The following DYNC1I1 variants were observed in gnomAD, a reference collection of about 807,000 sequenced individuals.
The protein encoded by DYNC1I1 is dynein cytoplasmic 1 intermediate chain 1, also known as cytoplasmic dynein 1 intermediate chain 1.
A neutral mutation model predicts 86.6 loss-of-function variants in DYNC1I1; 43 were observed. The ratio of observed to expected loss-of-function variants is 0.50; its 90% CI spans 0.39 to 0.64. The LOEUF (loss-of-function observed/expected upper bound fraction) is 0.64, where lower values mean the gene tolerates loss of function less well. Among genes scored for constraint, DYNC1I1 ranks in the 30% least tolerant of loss-of-function variants. The pLI is 0.00. For missense variants in DYNC1I1, 604 were observed against 788.8 expected (o/e 0.77, Z 2.81); for synonymous variants, 262 against 283.7 (o/e 0.92, Z 0.77).
At chr7:96,032,643 T>C in intron 11 of DYNC1I1, 24 bp from the exon 12 acceptor site, 3 of 1,567,588 alleles carry the variant, frequency 1.9e-6, no homozygotes, top group Non-Finnish European at 2.6e-6. Flanking sequence ...CTGTCTCTGA[T>C]CCTCTTTGTT....
intron 6 of DYNC1I1, among the ~76,000 whole-genome samples, chr7:95,874,333 T>C (rs995785813): frequency 2.6e-5 from 4 of 152,200 alleles, no homozygotes; most frequent in African/African-American, 7.2e-5. Context: ...GTAGTTTCTG[T>C]ACCAGACTGA....
chr7:95,782,358 A>G (rs1249702671), intron 1 of DYNC1I1, among the ~76,000 whole-genome samples: 2 of 152,192 alleles, frequency 1.3e-5, no homozygotes, highest in Non-Finnish European at 2.9e-5. Flanking sequence ...ACCCCTAGGG[A>G]CACTGACTGA....
intron 16 of DYNC1I1, among the ~76,000 whole-genome samples, chr7:96,107,690 C>T (rs1416766509): frequency 6.6e-6 from 1 of 151,922 alleles, no homozygotes; most frequent in Non-Finnish European, 1.5e-5. Flanking sequence ...TGCCACCACA[C>T]TCGGCTAATT....
chr7:96,061,716 A>T (rs866087563), intron 14 of DYNC1I1, among the ~76,000 whole-genome samples: 3 of 145,936 alleles, frequency 2.1e-5, no homozygotes, highest in South Asian at 2.2e-4. Context: ...TCTCTCTCAC[A>T]CACACACACA....
At chr7:95,842,505 G>A (rs1789314243) in intron 5 of DYNC1I1, among the ~76,000 whole-genome samples, 1 of 152,298 alleles carries the variant, frequency 6.6e-6, no homozygotes, top group South Asian at 2.1e-4. Context: ...GCTTGCCACA[G>A]TATCTTATCA....
chr7:96,072,863 T>C (rs1746197430), intron 14 of DYNC1I1, among the ~76,000 whole-genome samples: 1 of 152,248 alleles, frequency 6.6e-6, no homozygotes, highest in African/African-American at 2.4e-5. Flanking sequence ...TGAGTTTACC[T>C]TAAAATATTT....
chr7:95,857,264 G>A (rs1224750255), intron 5 of DYNC1I1, among the ~76,000 whole-genome samples: 2 of 152,134 alleles, frequency 1.3e-5, no homozygotes, highest in Non-Finnish European at 2.9e-5. Context: ...TTAGGTAGTA[G>A]GCCTCAAAAG....
In DYNC1I1 at chr7:95,776,531, A is replaced by C. The variant is rs190439756; in HGVS notation, c.-10+3758A>C. Among the ~76,000 whole-genome samples, 4 of 152,298 alleles carry C rather than the reference A, an allele frequency of 2.6e-5. No individual in the cohort carries two copies. The East Asian group carries it at 5.8e-4, about 22-fold the overall frequency. ...GTAGTTTTCTAGGGAAAAAATGGGG[A>C]TATTGCTAACTAAAAATACAGGAAG... On this transcript the variant is annotated intron_variant, in intron 1 of 16. Transcript: ENST00000447467.
intron 7 of DYNC1I1, among the ~76,000 whole-genome samples, chr7:95,979,697 T>A (rs1396095205): frequency 6.6e-6 from 1 of 152,212 alleles, no homozygotes; most frequent in Non-Finnish European, 1.5e-5. Context: ...GTGCTAGGTC[T>A]CAGACATTGA....
chr7:95,879,626 A>G (rs1321587990), intron 6 of DYNC1I1, among the ~76,000 whole-genome samples: 1 of 152,216 alleles, frequency 6.6e-6, no homozygotes, highest in African/African-American at 2.4e-5. Flanking sequence ...TGAGGGCAGG[A>G]GAGCTCTGTG....
At chr7:95,903,334 AT>A (rs1368467678) in intron 6 of DYNC1I1, among the ~76,000 whole-genome samples, 4 of 152,150 alleles carry the variant, frequency 2.6e-5, no homozygotes, top group African/African-American at 9.7e-5. Context: ...CTTCCAACTT[AT>A]TTAGGGAAGT....
intron 6 of DYNC1I1, among the ~76,000 whole-genome samples, chr7:95,925,861 GTTTTTC>G (rs1791731816): frequency 6.6e-6 from 1 of 152,010 alleles, no homozygotes; most frequent in Non-Finnish European, 1.5e-5. Context: ...GTCTTCTTTA[GTTTTTC>G]TTTTTATCAT....
At chr7:95,784,405 C>T (rs769898390) in intron 1 of DYNC1I1, among the ~76,000 whole-genome samples, 6 of 152,094 alleles carry the variant, frequency 3.9e-5, no homozygotes, top group Non-Finnish European at 5.9e-5. Flanking sequence ...AAAGGACTGA[C>T]GAGCTAGAGT....
At chr7:95,895,246 T>G (rs893714272) in intron 6 of DYNC1I1, among the ~76,000 whole-genome samples, 2 of 152,216 alleles carry the variant, frequency 1.3e-5, no homozygotes, top group African/African-American at 2.4e-5. Context: ...TGGAGTATAG[T>G]TCATTGTTGT....
At chr7:95,866,738 T>C (rs1790026608) in intron 5 of DYNC1I1, among the ~76,000 whole-genome samples, 1 of 152,228 alleles carries the variant, frequency 6.6e-6, no homozygotes, top group African/African-American at 2.4e-5. Flanking sequence ...AATCTACCAG[T>C]ACCCTCTAAG....
At chr7:95,891,361 G>C (rs940930919) in intron 6 of DYNC1I1, among the ~76,000 whole-genome samples, 2 of 152,198 alleles carry the variant, frequency 1.3e-5, no homozygotes, top group African/African-American at 4.8e-5. Flanking sequence ...GTATTCAACG[G>C]TTTTGCGTTT....
At chr7:96,069,882 A>C (rs1790109700) in intron 14 of DYNC1I1, among the ~76,000 whole-genome samples, 1 of 152,210 alleles carries the variant, frequency 6.6e-6, no homozygotes, top group Non-Finnish European at 1.5e-5. Flanking sequence ...TAGAGAAGCA[A>C]ATGCTAAATT....
intron 6 of DYNC1I1, among the ~76,000 whole-genome samples, chr7:95,876,401 A>T (rs1464490271): frequency 6.6e-6 from 1 of 152,188 alleles, no homozygotes; most frequent in Non-Finnish European, 1.5e-5. Context: ...AAAAACTGGA[A>T]TATCCTTTCT....
At position 95,972,034 on chromosome 7, in the gene DYNC1I1, C is replaced by T. The variant is rs1793186028; in HGVS notation, c.491-5478C>T. Among the ~76,000 whole-genome samples, 4 of 152,252 alleles carry T rather than the reference C, an allele frequency of 2.6e-5. No homozygotes were observed. The South Asian group carries it at 8.3e-4, about 32-fold the overall frequency. Reference sequence around the variant, plus strand: ...CTCTTATCCCAAAGTTTTGCAAGCCCTAAGAGGGCTGAGGAAAGCAAGAAC... The same window carrying T: ...CTCTTATCCCAAAGTTTTGCAAGCCTTAAGAGGGCTGAGGAAAGCAAGAAC... On this transcript the variant is annotated intron_variant, in intron 6 of 16. Transcript: ENST00000447467.
Sources: allele counts gnomAD v4.1 joint callset (sites outside exome capture counted in the v4.1 genomes callset), GRCh38; gene constraint gnomAD v4.1.1; transcripts MANE v1.5; gene names NCBI Gene and HGNC (gene_info 2026-07-23, HGNC 2026-07-21).